ARL3: variants seen among roughly 807,000 people sequenced by gnomAD.
The protein encoded by ARL3 is ARF like GTPase 3, also known as ADP-ribosylation factor-like protein 3.
ARL3 carries 9 observed loss-of-function variants against 26.0 expected under a neutral mutation model. The observed-to-expected ratio is 0.35, with a 90% confidence interval of 0.21 to 0.60. The LOEUF is 0.60. Among genes scored for constraint, ARL3 ranks in the 20% least tolerant of loss-of-function variants. The probability of loss-of-function intolerance (pLI) is 0.78; values close to 1 mark genes in which losing one functional copy is unlikely to be tolerated. For missense variants in ARL3, 158 were observed against 215.7 expected (o/e 0.73, Z 1.67); for synonymous variants, 71 against 78.4 (o/e 0.91, Z 0.50).
intron 3 of ARL3, among the ~76,000 whole-genome samples, chr10:102,690,981 G>A (rs112765070): frequency 0.054 from 8,056 of 150,048 alleles, 720 homozygotes; most frequent in African/African-American, 0.19. Flanking sequence ...TCAGCCTCCT[G>A]AGTAGTTGAG....
intron 2 of ARL3, among the ~76,000 whole-genome samples, chr10:102,703,553 C>G (rs1372299492): frequency 6.7e-6 from 1 of 148,980 alleles, no homozygotes; most frequent in African/African-American, 2.5e-5. Context: ...ACGCCATTCT[C>G]CTGCCTCAGC....
At chr10:102,709,448 T>G (rs1214051949) in intron 1 of ARL3, among the ~76,000 whole-genome samples, 1 of 142,250 alleles carries the variant, frequency 7.0e-6, no homozygotes, top group African/African-American at 2.6e-5. Flanking sequence ...AAGATCAGCC[T>G]GGGCAACAAA....
chr10:102,695,502 A>T (rs2064242307), intron 3 of ARL3, among the ~76,000 whole-genome samples: 1 of 152,158 alleles, frequency 6.6e-6, no homozygotes. Flanking sequence ...ATTAGTTCTA[A>T]GTGTTTCCTT....
chr10:102,689,202 G>GT (rs1564730140), intron 4 of ARL3, among the ~76,000 whole-genome samples: 1 of 152,028 alleles, frequency 6.6e-6, no homozygotes, highest in African/African-American at 2.4e-5. Flanking sequence ...GCGCACGCCT[G>GT]TAATCCCAGC....
chr10:102,703,471 T>G, intron 2 of ARL3, among the ~76,000 whole-genome samples: 4 of 104,000 alleles, frequency 3.8e-5, no homozygotes, highest in South Asian at 3.7e-4. Context: ...TGTGATGGAG[T>G]CTCGCTCTGT....
At chr10:102,707,318 AAG>A (rs1441461773) in intron 1 of ARL3, among the ~76,000 whole-genome samples, 1 of 152,060 alleles carries the variant, frequency 6.6e-6, no homozygotes, top group Non-Finnish European at 1.5e-5. Context: ...AAAAAGAAAA[AAG>A]AAAAAGAAAA....
At chr10:102,712,295 C>A (rs1415931384) in intron 1 of ARL3, among the ~76,000 whole-genome samples, 3 of 152,072 alleles carry the variant, frequency 2.0e-5, no homozygotes, top group African/African-American at 7.2e-5. Context: ...TACAGTTAAC[C>A]ATGGGGGCTC....
chr10:102,688,337 T>A (rs2064198328), intron 4 of ARL3, among the ~76,000 whole-genome samples: 1 of 151,990 alleles, frequency 6.6e-6, no homozygotes, highest in Non-Finnish European at 1.5e-5. Flanking sequence ...CCAGAAATCA[T>A]CAGGGTATGG....
intron 2 of ARL3, among the ~76,000 whole-genome samples, chr10:102,702,020 CAAAAAA>C (rs34993485): frequency 8.5e-6 from 1 of 117,706 alleles, no homozygotes; most frequent in Admixed American, 8.8e-5. Context: ...CCATCTCTAC[CAAAAAA>C]AAAAAAAAAA....
intron 3 of ARL3, among the ~76,000 whole-genome samples, chr10:102,698,440 T>A (rs988853959): frequency 8.5e-5 from 13 of 152,216 alleles, no homozygotes; most frequent in African/African-American, 3.1e-4. Context: ...TTGCCTTTCA[T>A]CATAATTGAT....
At chr10:102,677,002 A>G in intron 5 of ARL3, 61 bp from the exon 6 acceptor site, 1 of 1,576,356 alleles carries the variant, frequency 6.3e-7, no homozygotes. Context: ...CACACACTCT[A>G]GCCTGGAGGG....
At chr10:102,708,908 A>ATATATATATATATATTTTTTTTT in intron 1 of ARL3, among the ~76,000 whole-genome samples, 1 of 95,350 alleles carries the variant, frequency 1.0e-5, no homozygotes, top group African/African-American at 4.2e-5. Flanking sequence ...ATATATATAT[A>ATATATATATATATATTTTTTTTT]TTTTTTTTTT....
intron 3 of ARL3, among the ~76,000 whole-genome samples, chr10:102,695,524 AT>A (rs940972720): frequency 5.3e-5 from 8 of 150,702 alleles, no homozygotes; most frequent in South Asian, 4.2e-4. Flanking sequence ...TTGATTTAAA[AT>A]TTTTTTTTTG....
intron 1 of ARL3, among the ~76,000 whole-genome samples, chr10:102,706,267 C>T (rs576104929): frequency 1.3e-5 from 2 of 152,060 alleles, no homozygotes; most frequent in African/African-American, 4.8e-5. Flanking sequence ...CTGGCTAACA[C>T]GGTGAAACCC....
chr10:102,681,073 A>T (rs1300621271), intron 5 of ARL3, among the ~76,000 whole-genome samples: 1 of 152,128 alleles, frequency 6.6e-6, no homozygotes, highest in Non-Finnish European at 1.5e-5. Context: ...CAGGCCTAGA[A>T]AGAAGTGGTA....
At chr10:102,711,226 C>T (rs1470789231) in intron 1 of ARL3, among the ~76,000 whole-genome samples, 2 of 152,064 alleles carry the variant, frequency 1.3e-5, no homozygotes, top group African/African-American at 4.8e-5. Context: ...CTGAGCATCT[C>T]CTCAGGAAGA....
chr10:102,695,488 AC>A, intron 3 of ARL3, among the ~76,000 whole-genome samples: 1 of 152,172 alleles, frequency 6.6e-6, no homozygotes, highest in Non-Finnish European at 1.5e-5. Flanking sequence ...TGGTATGATC[AC>A]TTATTAGTTC....
chr10:102,714,395 T>C lies in ARL3; in HGVS notation c.-120A>G. 5 of 1,093,482 alleles carry C rather than the reference T, an allele frequency of 4.6e-6. No individual in the cohort carries two copies. The highest frequency in any genetic ancestry group is 5.9e-6 in the Non-Finnish European group (5 of 847,960). The allele number at this position is 1,093,482 out of a possible 1,614,324, so 67.7% of individuals were successfully genotyped here. A position where few individuals can be genotyped will look rare whatever the true frequency, so the allele number is the denominator to read the frequency against. On this transcript the variant is annotated 5_prime_UTR_variant, in exon 1 of 6. Coordinates refer to ENST00000260746, the MANE Select transcript of ARL3 (RefSeq NM_004311.4). ...GCACAGCTGAGGAGCTGAGCAGCAA[T>C]ACGGGGCGGGGTGCAGCTCCGCTTT...
At chr10:102,706,324 G>T (rs558803347) in intron 1 of ARL3, among the ~76,000 whole-genome samples, 1 of 151,962 alleles carries the variant, frequency 6.6e-6, no homozygotes, top group African/African-American at 2.4e-5. Flanking sequence ...GGTGGCAGGC[G>T]CTTTGTAGTC....
Sources: allele counts gnomAD v4.1 joint callset (sites outside exome capture counted in the v4.1 genomes callset), GRCh38; gene constraint gnomAD v4.1.1; transcripts MANE v1.5; gene names NCBI Gene and HGNC (gene_info 2026-07-23, HGNC 2026-07-21).